RAD51B: variants seen among roughly 807,000 people sequenced by gnomAD.
The protein encoded by RAD51B is RAD51 paralog B, also known as DNA repair protein RAD51 homolog 2.
A neutral mutation model predicts 42.2 loss-of-function variants in RAD51B; 38 were observed. The observed-to-expected ratio is 0.90, with a 90% CI of 0.70 to 1.18. The LOEUF (loss-of-function observed/expected upper bound fraction) is 1.18. Ranked by LOEUF, RAD51B falls within the 50% of genes most tolerant of loss-of-function variation. The pLI, the probability that RAD51B is intolerant of heterozygous loss-of-function variation, is 0.00. For missense variants in RAD51B, 373 were observed against 400.7 expected (o/e 0.93, Z 0.59); for synonymous variants, 154 against 145.2 (o/e 1.06, Z -0.43).
At chr14:68,405,509 A>G (rs2084246333) in intron 8 of RAD51B, among the ~76,000 whole-genome samples, 2 of 152,130 alleles carry the variant, frequency 1.3e-5, no homozygotes, top group Admixed American at 6.5e-5. Flanking sequence ...TATTACTTTT[A>G]TGGTGGATTA....
intron 10 of RAD51B, among the ~76,000 whole-genome samples, chr14:68,509,170 GTCTGATTCTCATCCCCAC>G (rs1360576566): frequency 1.3e-5 from 2 of 152,276 alleles, no homozygotes; most frequent in Non-Finnish European, 2.9e-5. Context: ...AGTCTGGCCT[GTCTGATTCTCATCCCCAC>G]TCTCTGATAG....
chr14:68,597,110 T>A (rs145666944), downstream of RAD51B, among the ~76,000 whole-genome samples: 252 of 152,342 alleles, frequency 1.7e-3, 1 homozygote, highest in Middle Eastern at 6.8e-3. Flanking sequence ...CTACTGTCAT[T>A]GACATGAAGC....
At chr14:68,013,873 T>G (rs1354908995) in intron 7 of RAD51B, among the ~76,000 whole-genome samples, 1 of 152,144 alleles carries the variant, frequency 6.6e-6, no homozygotes, top group Non-Finnish European at 1.5e-5. Context: ...AATTGGGATG[T>G]GATAAATAAG....
At chr14:67,928,060 C>T (rs1386986596) in intron 7 of RAD51B, among the ~76,000 whole-genome samples, 1 of 151,968 alleles carries the variant, frequency 6.6e-6, no homozygotes, top group African/African-American at 2.4e-5. Context: ...TTTGGAATAG[C>T]TTGAGGAGGA....
chr14:68,338,703 G>T, intron 8 of RAD51B: 11 of 267,322 alleles, frequency 4.1e-5, no homozygotes, highest in Non-Finnish European at 7.4e-5. Context: ...TTATTTTTAT[G>T]GACAGAAAAC....
intron 10 of RAD51B, chr14:68,563,370 C>T (rs928310359): frequency 2.3e-5 from 23 of 985,322 alleles, no homozygotes; most frequent in African/African-American, 5.2e-5. Context: ...AGTGATACTG[C>T]GAGCTGGGTT....
rs114376725 is a variant in RAD51B, at chr14:68,196,721, A to G, written c.757-95163A>G. Among the ~76,000 whole-genome samples the G allele has an allele frequency of 9.7e-3, 1,475 of 152,284 alleles. 26 individuals carry two copies. Among genetic ancestry groups the G allele is most frequent in the African/African-American group, 0.033 (1,387 of 41,544 alleles). ...CCCACACTAGATTACAGGTTCCCCA[A>G]TATCTAAGACCAGATCTGTTTTGTT... On this transcript the variant is annotated intron_variant, in intron 7 of 10. Transcript: ENST00000471583.
At chr14:68,387,917 TTTCATATTGATTACACGTTGAAA>T (rs1305660227) in intron 8 of RAD51B, among the ~76,000 whole-genome samples, 2 of 152,074 alleles carry the variant, frequency 1.3e-5, no homozygotes, top group African/African-American at 4.8e-5. Context: ...ATGTCTTAAT[TTTCATATTGATTACACGTTGAAA>T]TGATAATGTT....
At chr14:67,855,006 C>G (rs970295452) in intron 4 of RAD51B, among the ~76,000 whole-genome samples, 1 of 152,088 alleles carries the variant, frequency 6.6e-6, no homozygotes, top group African/African-American at 2.4e-5. Flanking sequence ...AGTACAGGAC[C>G]AGAGAACTCA....
intron 9 of RAD51B, among the ~76,000 whole-genome samples, chr14:68,428,190 T>C (rs1028396908): frequency 6.6e-6 from 1 of 152,202 alleles, no homozygotes; most frequent in Non-Finnish European, 1.5e-5. Flanking sequence ...TATTCAGTTA[T>C]AGCAGCACAA....
chr14:67,979,629 T>C (rs925595255), intron 7 of RAD51B, among the ~76,000 whole-genome samples: 2 of 152,216 alleles, frequency 1.3e-5, no homozygotes, highest in African/African-American at 2.4e-5. Flanking sequence ...TAAGGAGTCT[T>C]CGTAGTAATC....
intron 7 of RAD51B, among the ~76,000 whole-genome samples, chr14:68,195,908 CAA>C (rs1278908922): frequency 1.3e-4 from 3 of 23,640 alleles, no homozygotes; most frequent in Non-Finnish European, 1.7e-4. Context: ...AGCTCTGTTT[CAA>C]AAAAAAAAAA....
At chr14:67,853,921 A>G (rs1339420034) in intron 4 of RAD51B, among the ~76,000 whole-genome samples, 1 of 152,246 alleles carries the variant, frequency 6.6e-6, no homozygotes, top group Admixed American at 6.5e-5. Flanking sequence ...CAGAAGCAGC[A>G]GAGGAGAAAT....
intron 7 of RAD51B, among the ~76,000 whole-genome samples, chr14:68,010,090 G>A (rs998111709): frequency 2.0e-5 from 3 of 151,746 alleles, no homozygotes; most frequent in African/African-American, 7.2e-5. Flanking sequence ...AAAACATCTA[G>A]CTTACTGCTC....
intron 10 of RAD51B, among the ~76,000 whole-genome samples, chr14:68,637,087 A>C (rs1250637392): frequency 6.6e-6 from 1 of 151,668 alleles, no homozygotes; most frequent in Non-Finnish European, 1.5e-5. Context: ...CTCTTAACAA[A>C]CTTTTTTTTT....
chr14:68,584,073 C>CA (rs397749284), intron 10 of RAD51B, among the ~76,000 whole-genome samples: 1 of 152,130 alleles, frequency 6.6e-6, no homozygotes, highest in Non-Finnish European at 1.5e-5. Flanking sequence ...GGCGCCCCCC[C>CA]ACCCCCCATG....
Position 68,354,936 on chromosome 14 carries a change from C to T in RAD51B, c.854-56488C>T, listed in dbSNP as rs148053181. ...TAAGCCTCTTGGCCTCATTGTGACT[C>T]GATTTCCCTTTCTGTGAAATGAGAA... On this transcript the variant is annotated intron_variant, in intron 8 of 10. Transcript: ENST00000471583. 7.2e-5 allele frequency among the ~76,000 whole-genome samples: 11 copies of T among 152,174 alleles called. No homozygotes were observed. In the East Asian group the frequency reaches 1.7e-3, roughly 24 times the overall value.
chr14:68,591,161 C>T (rs1490345524), intron 10 of RAD51B, among the ~76,000 whole-genome samples: 1 of 152,126 alleles, frequency 6.6e-6, no homozygotes. Context: ...TTAAGAGAGG[C>T]TGGTTGGAGA....
intron 7 of RAD51B, among the ~76,000 whole-genome samples, chr14:68,276,232 T>A (rs2081221504): frequency 6.6e-6 from 1 of 152,214 alleles, no homozygotes; most frequent in Non-Finnish European, 1.5e-5. Context: ...CCATTTAGAA[T>A]GACCTTCCAC....
Sources: gnomAD v4.1 joint callset for allele counts (sites outside exome capture counted in the v4.1 genomes callset) on GRCh38, gnomAD v4.1.1 for gene constraint, MANE v1.5 for transcripts, NCBI Gene and HGNC (gene_info 2026-07-23, HGNC 2026-07-21) for gene names.